The following ATP2B2 variants were observed in gnomAD, a reference collection of about 807,000 sequenced individuals.
ATP2B2 encodes ATPase plasma membrane Ca2+ transporting 2.
Under a neutral mutation model 120.0 loss-of-function variants are expected in ATP2B2, and 15 were observed. The ratio of observed to expected loss-of-function variants is 0.12; its 90% CI spans 0.08 to 0.19. The LOEUF (loss-of-function observed/expected upper bound fraction) is 0.19. Ranked by LOEUF, ATP2B2 falls within the 10% of genes least tolerant of loss-of-function variation. The pLI, the probability that ATP2B2 is intolerant of heterozygous loss-of-function variation, is 1.00. For missense variants in ATP2B2, 1,045 were observed against 1,719.8 expected, an observed-to-expected ratio of 0.61 and a Z score of 6.94; for synonymous variants, 694 against 700.3, an observed-to-expected ratio of 0.99 and a Z score of 0.14.
intron 3 of ATP2B2, among the ~76,000 whole-genome samples, chr3:10,526,975 T>A (rs1479309783): frequency 6.6e-6 from 1 of 152,212 alleles, no homozygotes; most frequent in Non-Finnish European, 1.5e-5. Flanking sequence ...ACAAGCTAGG[T>A]CCTATTATTA....
intron 2 of ATP2B2, among the ~76,000 whole-genome samples, chr3:10,441,389 G>A (rs1220952140): frequency 2.0e-5 from 3 of 152,108 alleles, no homozygotes; most frequent in South Asian, 2.1e-4. Context: ...ACAGGCGTGC[G>A]CCATCACACC....
At chr3:10,335,723 T>C (rs1338047899) in intron 22 of ATP2B2, among the ~76,000 whole-genome samples, 2 of 152,206 alleles carry the variant, frequency 1.3e-5, no homozygotes, top group Non-Finnish European at 2.9e-5. Flanking sequence ...AACCCTTGCC[T>C]TGGTGGTCCA....
chr3:10,455,439 A>G (rs2064217745), intron 1 of ATP2B2, among the ~76,000 whole-genome samples: 2 of 152,252 alleles, frequency 1.3e-5, no homozygotes. Context: ...TGGAGAAGTC[A>G]TCTAACTTTG....
In ATP2B2 at chr3:10,388,296, TTCC is replaced by T; in HGVS notation, c.885_887del (p.Glu297del). 6.2e-7 allele frequency: 1 copy of T among 1,614,214 alleles called. No individual in the cohort carries two copies. The highest frequency in any genetic ancestry group is 2.2e-5 in the East Asian group (1 of 44,882). ...GCTTACCTTTTTTGTCTTTCTTCTC[TTCC>T]TCTTCACCACCAGCCCCCAGGAGGG... On this transcript the variant is annotated inframe_deletion, in exon 6 of 23. Transcript: ENST00000360273.
chr3:10,517,946 G>T (rs994633225), intron 3 of ATP2B2, among the ~76,000 whole-genome samples: 2 of 149,944 alleles, frequency 1.3e-5, no homozygotes, highest in African/African-American at 4.9e-5. Context: ...ACAGACGGGG[G>T]ATTGGGCAGC....
intron 1 of ATP2B2, among the ~76,000 whole-genome samples, chr3:10,467,267 C>A (rs1206407644): frequency 6.6e-6 from 1 of 152,206 alleles, no homozygotes. Flanking sequence ...TAATAAAAAA[C>A]CAACTCAGAG....
chr3:10,371,675 G>T, intron 12 of ATP2B2, 134 bp downstream of exon 12: 1 of 1,333,990 alleles, frequency 7.5e-7, no homozygotes, highest in Non-Finnish European at 1.0e-6. Flanking sequence ...GAAACATGTT[G>T]CTTACTATCT....
intron 2 of ATP2B2, among the ~76,000 whole-genome samples, chr3:10,422,706 C>A (rs2063024746): frequency 6.6e-6 from 1 of 152,244 alleles, no homozygotes; most frequent in African/African-American, 2.4e-5. Context: ...GTGCATAGTG[C>A]AGCGCTGGGT....
chr3:10,513,616 G>A lies in ATP2B2; in HGVS notation c.-320+20423C>T, dbSNP rs952117979. On this transcript the variant is annotated intron_variant, in intron 3 of 21. Coordinates refer to the ATP2B2 transcript ENST00000646379. ...GATCCACTCAATGTGCTGTGATCTG[G>A]GGTGGACTCCGAGCCCAGGACACAT... Among the ~76,000 whole-genome samples the A allele has an allele frequency of 3.3e-5, 5 of 152,164 alleles. No individual in the cohort carries two copies. In the South Asian group the frequency reaches 8.3e-4, roughly 25 times the overall value.
chr3:10,568,153 A>G (rs972544235), intron 2 of ATP2B2, among the ~76,000 whole-genome samples: 3 of 152,178 alleles, frequency 2.0e-5, no homozygotes, highest in Non-Finnish European at 4.4e-5. Context: ...CTGACACTGT[A>G]GGTCCTGCAG....
rs1047377852 is a variant in ATP2B2 at position 10,324,973 on chromosome 3, G to A, written c.*3841C>T. The A allele has an allele frequency of 2.0e-5, 3 of 152,200 alleles. No homozygotes were observed. Among genetic ancestry groups the A allele is most frequent in the Non-Finnish European group, 2.9e-5 (2 of 68,038 alleles). The allele number at this position is 152,200 out of a possible 1,614,324, so 9.4% of individuals were successfully genotyped here. On this transcript the variant is annotated 3_prime_UTR_variant, in exon 23 of 23. Transcript: ENST00000360273. ...GCGGGTCCACCCCAACACAACCAAG[G>A]TGGGTGACTTTGGTTCCCAAGCTGA...
chr3:10,331,293 A>C (rs2059972371), intron 22 of ATP2B2, among the ~76,000 whole-genome samples: 1 of 152,250 alleles, frequency 6.6e-6, no homozygotes, highest in Admixed American at 6.5e-5. Context: ...AACTGAAAAC[A>C]AAGAAGGCGC....
chr3:10,401,148 G>A lies in ATP2B2; in HGVS notation c.656-70C>T, dbSNP rs2062206236. On this transcript the variant is annotated intron_variant, in intron 4 of 22. Coordinates refer to ENST00000360273, the MANE Select transcript of ATP2B2 (RefSeq NM_001001331.4). Reference sequence around the variant, plus strand: ...TAGAGGGCTGGAACATTCCCTTAAAGGTGCGATTACCAGGGAAGGTTTGCC... The same window carrying A: ...TAGAGGGCTGGAACATTCCCTTAAAAGTGCGATTACCAGGGAAGGTTTGCC... 7 of 1,589,256 alleles carry A rather than the reference G, an allele frequency of 4.4e-6. No homozygotes were observed. The African/African-American group carries it at 5.4e-5, about 12-fold the overall frequency.
intron 1 of ATP2B2, among the ~76,000 whole-genome samples, chr3:10,474,710 T>G (rs1021084280): frequency 2.6e-5 from 4 of 152,242 alleles, no homozygotes; most frequent in African/African-American, 9.6e-5. Context: ...CCTTGTAAGG[T>G]TCCACACTTC....
intron 2 of ATP2B2, among the ~76,000 whole-genome samples, chr3:10,550,962 G>A (rs114564491): frequency 0.02 from 2,992 of 152,238 alleles, 49 homozygotes; most frequent in Admixed American, 0.04. Flanking sequence ...TGGCTGAATG[G>A]TACAGTCTGG....
chr3:10,496,458 T>C (rs1367942673), intron 1 of ATP2B2, among the ~76,000 whole-genome samples: 2 of 152,202 alleles, frequency 1.3e-5, no homozygotes, highest in African/African-American at 4.8e-5. Flanking sequence ...AAAGGCCAGC[T>C]TTTTTGCTTC....
intron 2 of ATP2B2, among the ~76,000 whole-genome samples, chr3:10,412,075 C>G (rs996868041): frequency 2.0e-5 from 3 of 152,256 alleles, no homozygotes; most frequent in Non-Finnish European, 4.4e-5. Context: ...GTGTCTGCAG[C>G]CTTGGCTTTT....
rs140438193 is a variant in ATP2B2 at position 10,643,421 on chromosome 3, G to A, written c.-459-23460C>T. 1.1e-4 allele frequency among the ~76,000 whole-genome samples: 16 copies of A among 152,322 alleles called. 1 individual carries two copies. Among genetic ancestry groups the A allele is most frequent in the African/African-American group, 3.6e-4 (15 of 41,564 alleles). On this transcript the variant is annotated intron_variant, in intron 1 of 21. Coordinates refer to the ATP2B2 transcript ENST00000646379. ...GGCCAAGCCTAGGGGAAACTTTGTG[G>A]AGAAGCAGCATTATTTACCTAGTCT...
At chr3:10,372,569 T>C (rs1046962338) in intron 11 of ATP2B2, among the ~76,000 whole-genome samples, 1 of 152,264 alleles carries the variant, frequency 6.6e-6, no homozygotes, top group African/African-American at 2.4e-5. Context: ...TCATTATTGC[T>C]AAGTGATAGA....
Sources: gnomAD v4.1 joint callset for allele counts (sites outside exome capture counted in the v4.1 genomes callset) on GRCh38, gnomAD v4.1.1 for gene constraint, MANE v1.5 for transcripts, NCBI Gene and HGNC (gene_info 2026-07-23, HGNC 2026-07-21) for gene names.